Variants in NEK10 observed in about 807,000 individuals in gnomAD.
The protein encoded by NEK10 is serine/threonine-protein kinase Nek10.
Under a neutral mutation model 159.8 loss-of-function variants are expected in NEK10, and 122 were observed. The ratio of observed to expected loss-of-function variants is 0.76; its 90% confidence interval spans 0.66 to 0.89. NEK10 has a LOEUF of 0.89. Among genes scored for constraint, NEK10 ranks in the 40% least tolerant of loss-of-function variants. The pLI is 0.00. For missense variants in NEK10, 1,342 were observed against 1,323.1 expected, an observed-to-expected ratio of 1.01 and a Z score of -0.22; for synonymous variants, 466 against 457.1, an observed-to-expected ratio of 1.02 and a Z score of -0.25.
intron 22 of NEK10, among the ~76,000 whole-genome samples, chr3:27,259,090 G>C (rs375880520): frequency 1.3e-4 from 20 of 151,386 alleles, no homozygotes; most frequent in East Asian, 1.2e-3. Flanking sequence ...GTAAATTTGA[G>C]GGAGTTCACT....
Position 27,300,686 on chromosome 3 carries a change from T to C in NEK10, c.1168+1010A>G, listed in dbSNP as rs76270041. Among the ~76,000 whole-genome samples, 309 of 152,266 alleles carry C rather than the reference T, an allele frequency of 2.0e-3. 10 individuals are homozygous for C. The East Asian group carries it at 0.045, about 22-fold the overall frequency. On this transcript the variant is annotated intron_variant, in intron 13 of 35. Transcript: ENST00000691995. Reference sequence around the variant, plus strand: ...TTCCACATCTAAGTAACTGTTCTTCTGAATTCTATCACCGTCAATCTCATC... The same window carrying C: ...TTCCACATCTAAGTAACTGTTCTTCCGAATTCTATCACCGTCAATCTCATC...
At chr3:27,129,343 T>G (rs1942347919) in intron 32 of NEK10, among the ~76,000 whole-genome samples, 1 of 152,092 alleles carries the variant, frequency 6.6e-6, no homozygotes, top group African/African-American at 2.4e-5. Flanking sequence ...TTTTAGAAGT[T>G]TCAGTGAGAA....
rs11307328 is a variant in NEK10, at chr3:27,222,768, T to TA, written c.2091-20212dup. Among the ~76,000 whole-genome samples, 19 of 151,746 alleles carry TA rather than the reference T, an allele frequency of 1.3e-4. No individual in the cohort carries two copies. In the South Asian group the frequency reaches 3.3e-3, roughly 27 times the overall value. ...CCAGTATTAAAATCTCATTTTCATG[T>TA]AAAAAAAAACTCTACAAATATTTTA... is the stretch of plus-strand genomic sequence containing the variant. On this transcript the variant is annotated intron_variant, in intron 23 of 35. Coordinates refer to ENST00000691995, the MANE Select transcript of NEK10 (RefSeq NM_001394966.1).
At chr3:27,317,711 A>G (rs2045310128) in intron 6 of NEK10, among the ~76,000 whole-genome samples, 1 of 152,206 alleles carries the variant, frequency 6.6e-6, no homozygotes, top group Non-Finnish European at 1.5e-5. Flanking sequence ...CACACTGCAT[A>G]ACTTTTAACA....
At chr3:27,311,193 T>C (rs978492378) in intron 8 of NEK10, 177 bp from the exon 9 acceptor site, 38 of 474,112 alleles carry the variant, frequency 8.0e-5, no homozygotes, top group African/African-American at 6.8e-4. Flanking sequence ...GAATTACTCC[T>C]CAAGCTCCAC....
At chr3:27,226,675 T>A (rs1203973497) in intron 23 of NEK10, among the ~76,000 whole-genome samples, 1 of 152,132 alleles carries the variant, frequency 6.6e-6, no homozygotes, top group Non-Finnish European at 1.5e-5. Context: ...TAGTTATAAA[T>A]CTTAAAAGAA....
intron 33 of NEK10, 151 bp from the exon 34 acceptor site, chr3:27,116,278 G>T: frequency 2.9e-6 from 2 of 697,718 alleles, no homozygotes; most frequent in Admixed American, 2.7e-5. Context: ...ATCTGCCTTG[G>T]CTTTGAATAT....
intron 31 of NEK10, among the ~76,000 whole-genome samples, chr3:27,132,556 C>G (rs903907030): frequency 1.3e-5 from 2 of 152,014 alleles, no homozygotes; most frequent in African/African-American, 4.8e-5. Flanking sequence ...TAAGACCAGA[C>G]TAGGATGAGT....
At chr3:27,347,016 T>C (rs984130351) in intron 3 of NEK10, among the ~76,000 whole-genome samples, 1 of 152,202 alleles carries the variant, frequency 6.6e-6, no homozygotes, top group Non-Finnish European at 1.5e-5. Context: ...TTGGGCATGG[T>C]ATAGACAAAT....
intron 25 of NEK10, among the ~76,000 whole-genome samples, chr3:27,200,374 G>T (rs1949945196): frequency 1.3e-5 from 2 of 152,012 alleles, no homozygotes; most frequent in Admixed American, 6.6e-5. Context: ...TTCTATCTGG[G>T]GTGACTCTAG....
At chr3:27,341,046 G>T (rs1198340260) in intron 5 of NEK10, among the ~76,000 whole-genome samples, 2 of 152,138 alleles carry the variant, frequency 1.3e-5, no homozygotes, top group African/African-American at 4.8e-5. Context: ...ATCATTTATA[G>T]CAACATGGAT....
chr3:27,151,852 A>G (rs1944908630), intron 30 of NEK10, among the ~76,000 whole-genome samples: 1 of 152,216 alleles, frequency 6.6e-6, no homozygotes, highest in Non-Finnish European at 1.5e-5. Flanking sequence ...ACTTATAGAA[A>G]TGCAAAATGC....
At chr3:27,145,876 C>T (rs908294694) in intron 30 of NEK10, among the ~76,000 whole-genome samples, 1 of 151,670 alleles carries the variant, frequency 6.6e-6, no homozygotes, top group African/African-American at 2.4e-5. Context: ...GTCCTAAGGG[C>T]GGAGGCCTCA....
chr3:27,218,509 G>A (rs1484212959), intron 23 of NEK10, among the ~76,000 whole-genome samples: 1 of 151,022 alleles, frequency 6.6e-6, no homozygotes, highest in Non-Finnish European at 1.5e-5. Flanking sequence ...GGAGGCTGAG[G>A]CAGGAGAATC....
intron 26 of NEK10, among the ~76,000 whole-genome samples, chr3:27,185,206 T>G (rs1234963592): frequency 6.6e-6 from 1 of 152,208 alleles, no homozygotes; most frequent in Non-Finnish European, 1.5e-5. Flanking sequence ...AGATGGAATT[T>G]AAGATGACAC....
chr3:27,188,869 ACT>A (rs1948859571), intron 26 of NEK10, among the ~76,000 whole-genome samples: 1 of 152,064 alleles, frequency 6.6e-6, no homozygotes. Flanking sequence ...TAAGCAGTAG[ACT>A]CTTCAGAAAT....
At chr3:27,368,196 G>A (rs1425895798) in intron 1 of NEK10, among the ~76,000 whole-genome samples, 1 of 152,086 alleles carries the variant, frequency 6.6e-6, no homozygotes, top group Non-Finnish European at 1.5e-5. Context: ...GGAGGCTGAG[G>A]CATGAGAATT....
chr3:27,234,153 C>A lies in NEK10; in HGVS notation c.2090+22143G>T, dbSNP rs536490096. Among the ~76,000 whole-genome samples, 4 of 152,228 alleles carry A rather than the reference C, an allele frequency of 2.6e-5. No homozygotes were observed. The South Asian group carries it at 8.3e-4, about 32-fold the overall frequency. ...GTAAGAGCCATATATGACAAACCCACTTCCAATATTATACTAAATGGGCAA... is the reference window on the plus strand; with the variant it reads ...GTAAGAGCCATATATGACAAACCCAATTCCAATATTATACTAAATGGGCAA... On this transcript the variant is annotated intron_variant, in intron 23 of 35. Coordinates refer to ENST00000691995, the MANE Select transcript of NEK10 (RefSeq NM_001394966.1).
At chr3:27,164,933 G>T (rs1946348480) in intron 29 of NEK10, among the ~76,000 whole-genome samples, 1 of 152,208 alleles carries the variant, frequency 6.6e-6, no homozygotes, top group African/African-American at 2.4e-5. Context: ...CAAATGTTAT[G>T]CATAATGTGT....
Sources: allele counts gnomAD v4.1 joint callset (sites outside exome capture counted in the v4.1 genomes callset), GRCh38; gene constraint gnomAD v4.1.1; transcripts MANE v1.5; gene names NCBI Gene and HGNC (gene_info 2026-07-23, HGNC 2026-07-21).